WFDC1: variants seen among roughly 807,000 people sequenced by gnomAD.
The protein encoded by WFDC1 is WAP four-disulfide core domain 1.
Under a neutral mutation model 32.9 loss-of-function variants are expected in WFDC1, and 39 were observed. The ratio of observed to expected loss-of-function variants is 1.19; its 90% confidence interval spans 0.92 to 1.55. The LOEUF (loss-of-function observed/expected upper bound fraction) is 1.55, where lower values mean the gene tolerates loss of function less well. WFDC1 is among the 40% of genes most tolerant of loss of function. WFDC1 has a pLI of 0.00. For synonymous variants in WFDC1, 184 were observed against 137.4 expected, an observed-to-expected ratio of 1.34 and a Z score of -2.37; for missense variants, 386 against 309.5, an observed-to-expected ratio of 1.25 and a Z score of -1.85.
chr16:84,294,920 G>A lies in WFDC1; in HGVS notation c.-52G>A, dbSNP rs541546535. 70 of 1,581,426 alleles carry A rather than the reference G, an allele frequency of 4.4e-5. No individual in the cohort carries two copies. The African/African-American group carries it at 5.4e-4, about 12-fold the overall frequency. ...GTCCCCACTCACAGGCCCACGCAGC[G>A]AGGGGGGCCCCTCTTCTGTGTGCGT... On this transcript the variant is annotated 5_prime_UTR_variant, in exon 1 of 7. Coordinates refer to ENST00000219454, the MANE Select transcript of WFDC1 (RefSeq NM_021197.4).
chr16:84,318,527 G>A, intron 3 of WFDC1, 172 bp downstream of exon 3: 1 of 629,894 alleles, frequency 1.6e-6, no homozygotes. Flanking sequence ...CTGATGGCTG[G>A]GGGCTTGGCC....
intron 1 of WFDC1, among the ~76,000 whole-genome samples, chr16:84,311,390 TTTC>T (rs1464377841): frequency 0.03 from 3,782 of 124,136 alleles, 204 homozygotes; most frequent in African/African-American, 0.1. Context: ...GCTAATTTTT[TTTC>T]TTTTTTTTGT....
At chr16:84,302,895 T>C (rs1907028058) in intron 1 of WFDC1, among the ~76,000 whole-genome samples, 1 of 152,188 alleles carries the variant, frequency 6.6e-6, no homozygotes, top group African/African-American at 2.4e-5. Context: ...GAATCAATTA[T>C]GTTAAAACCT....
At chr16:84,313,353 T>C (rs1907761286) in intron 2 of WFDC1, among the ~76,000 whole-genome samples, 200 bp downstream of exon 2, 1 of 152,142 alleles carries the variant, frequency 6.6e-6, no homozygotes, top group Non-Finnish European at 1.5e-5. Context: ...TGTGTCCCAC[T>C]GCCCCTGGGG....
intron 2 of WFDC1, among the ~76,000 whole-genome samples, chr16:84,315,431 C>G (rs1907892001): frequency 6.6e-6 from 1 of 152,216 alleles, no homozygotes; most frequent in African/African-American, 2.4e-5. Flanking sequence ...CTGCTGTAAC[C>G]CCAGCATCTA....
At chr16:84,318,835 T>C (rs1439357553) in intron 3 of WFDC1, 1 of 216,678 alleles carries the variant, frequency 4.6e-6, no homozygotes, top group East Asian at 1.0e-4. Flanking sequence ...ATCTGTGTGT[T>C]GTGTGACTGT....
At chr16:84,304,300 C>G (rs1907116779) in intron 1 of WFDC1, among the ~76,000 whole-genome samples, 1 of 151,376 alleles carries the variant, frequency 6.6e-6, no homozygotes, top group African/African-American at 2.4e-5. Flanking sequence ...TGCCGTCTGG[C>G]TCACTGCAAC....
At chr16:84,303,732 A>G (rs116699387) in intron 1 of WFDC1, among the ~76,000 whole-genome samples, 1,666 of 152,328 alleles carry the variant, frequency 0.011, 30 homozygotes, top group African/African-American at 0.038. Context: ...GGTGTTTAGT[A>G]TACTCAGAGT....
At chr16:84,319,080 T>C (rs1908139418) in intron 3 of WFDC1, 3 of 335,324 alleles carry the variant, frequency 8.9e-6, no homozygotes, top group Non-Finnish European at 1.7e-5. Context: ...GCGTCTGACT[T>C]GCTTGTGTAA....
chr16:84,295,298 A>T (rs1484592494), intron 1 of WFDC1, 183 bp downstream of exon 1: 7 of 670,100 alleles, frequency 1.0e-5, no homozygotes, highest in Non-Finnish European at 1.7e-5. Flanking sequence ...CCCCCAAAAA[A>T]GGACCCTTAT....
At chr16:84,312,812 G>A in intron 1 of WFDC1, 149 bp from the exon 2 acceptor site, 1 of 327,922 alleles carries the variant, frequency 3.0e-6, no homozygotes, top group South Asian at 1.3e-4. Context: ...GCCGCCCTCC[G>A]AGGCTGGCTC....
intron 3 of WFDC1, chr16:84,319,057 T>C: frequency 3.4e-6 from 1 of 294,464 alleles, no homozygotes; most frequent in Non-Finnish European, 6.5e-6. Flanking sequence ...CGTATATGTC[T>C]GTGTGTATTT....
chr16:84,297,711 G>T (rs1271241985), intron 1 of WFDC1, among the ~76,000 whole-genome samples: 1 of 151,942 alleles, frequency 6.6e-6, no homozygotes, highest in African/African-American at 2.4e-5. Context: ...AGGACAGGGA[G>T]GGCTGGGAAG....
chr16:84,306,782 T>TCATCAA (rs1907288385), intron 1 of WFDC1, among the ~76,000 whole-genome samples: 1 of 151,926 alleles, frequency 6.6e-6, no homozygotes, highest in African/African-American at 2.4e-5. Flanking sequence ...ATCATCATCA[T>TCATCAA]CATCATCACA....
Position 84,324,718 on chromosome 16 carries a change from C to T in WFDC1, c.604+258C>T, listed in dbSNP as rs140019438. On this transcript the variant is annotated intron_variant, in intron 5 of 6. Coordinates refer to ENST00000219454, the MANE Select transcript of WFDC1 (RefSeq NM_021197.4). The stretch of plus-strand genomic sequence containing the variant: ...CTCATATTTAAGCCTCTGCTACTTT[C>T]ATTCAGAGAATTGGAAAACACGCCT... Among the ~76,000 whole-genome samples the T allele has an allele frequency of 8.3e-3, 1,260 of 152,234 alleles. 18 individuals carry two copies. The highest frequency in any genetic ancestry group is 0.029 in the African/African-American group (1,192 of 41,508).
At chr16:84,297,630 A>C (rs913948808) in intron 1 of WFDC1, among the ~76,000 whole-genome samples, 2 of 147,018 alleles carry the variant, frequency 1.4e-5, no homozygotes, top group Non-Finnish European at 3.0e-5. Flanking sequence ...AAAAAAAAAA[A>C]AAAAAAAAAA....
chr16:84,319,267 G>A (rs1000668635), intron 3 of WFDC1, 164 bp from the exon 4 acceptor site: 14 of 886,392 alleles, frequency 1.6e-5, no homozygotes, highest in African/African-American at 1.5e-4. Context: ...GCCGCTGAGT[G>A]AGACCCAGGG....
chr16:84,300,717 T>C (rs1301999547), intron 1 of WFDC1, among the ~76,000 whole-genome samples: 1 of 152,084 alleles, frequency 6.6e-6, no homozygotes, highest in East Asian at 1.9e-4. Context: ...CGCCTGTAAT[T>C]CCAGCACTTT....
At chr16:84,308,498 C>T (rs1248855469) in intron 1 of WFDC1, among the ~76,000 whole-genome samples, 1 of 152,200 alleles carries the variant, frequency 6.6e-6, no homozygotes, top group Non-Finnish European at 1.5e-5. Flanking sequence ...GGAAAGCTGC[C>T]CTCAGAAGGC....
Sources: gnomAD v4.1 joint callset for allele counts (sites outside exome capture counted in the v4.1 genomes callset) on GRCh38, gnomAD v4.1.1 for gene constraint, MANE v1.5 for transcripts, NCBI Gene and HGNC (gene_info 2026-07-23, HGNC 2026-07-21) for gene names.